CNTN3: variants seen among roughly 807,000 people sequenced by gnomAD.
The protein encoded by CNTN3 is contactin-3.
CNTN3 carries 60 observed loss-of-function variants against 119.1 expected under a neutral mutation model. The ratio of observed to expected loss-of-function variants is 0.50; its 90% confidence interval spans 0.41 to 0.62. The LOEUF (loss-of-function observed/expected upper bound fraction) is 0.62. CNTN3 is among the 20% of genes least tolerant of loss of function. CNTN3 has a pLI of 0.00. For missense variants in CNTN3, 1,101 were observed against 1,242.4 expected, an observed-to-expected ratio of 0.89 and a Z score of 1.71; for synonymous variants, 450 against 438.7, an observed-to-expected ratio of 1.03 and a Z score of -0.32.
At chr3:74,588,320 CAGAG>C (rs1224749076) in intron 1 of CNTN3, among the ~76,000 whole-genome samples, 1 of 152,024 alleles carries the variant, frequency 6.6e-6, no homozygotes, top group Non-Finnish European at 1.5e-5. Flanking sequence ...AACAGACAAA[CAGAG>C]AGCCAAATCA....
At chr3:74,324,040 A>AT (rs1703067772) in intron 13 of CNTN3, among the ~76,000 whole-genome samples, 1 of 152,152 alleles carries the variant, frequency 6.6e-6, no homozygotes, top group African/African-American at 2.4e-5. Context: ...CTGTATTTGG[A>AT]TTTTTGTATG....
At chr3:74,366,780 G>GTGTGTGTGTGTGTATATATATATATATA (rs1447686332) in intron 8 of CNTN3, among the ~76,000 whole-genome samples, 1 of 63,714 alleles carries the variant, frequency 1.6e-5, no homozygotes, top group Non-Finnish European at 2.7e-5. Context: ...GTGTGTGTGT[G>GTGTGTGTGTGTGTATATATATATATATA]TATATATATA....
chr3:74,502,360 T>C (rs1703180976), intron 2 of CNTN3, among the ~76,000 whole-genome samples: 3 of 152,248 alleles, frequency 2.0e-5, no homozygotes, highest in Non-Finnish European at 4.4e-5. Context: ...CCTATCATTA[T>C]CTAATAAAAG....
At chr3:74,326,149 CTCTT>C (rs1377518271) in intron 13 of CNTN3, among the ~76,000 whole-genome samples, 6 of 152,176 alleles carry the variant, frequency 3.9e-5, no homozygotes, top group East Asian at 3.9e-4. Flanking sequence ...CATTATATCT[CTCTT>C]TCTATCTCTG....
At chr3:74,579,038 GA>G (rs1328668610) in intron 1 of CNTN3, among the ~76,000 whole-genome samples, 1 of 151,778 alleles carries the variant, frequency 6.6e-6, no homozygotes, top group East Asian at 1.9e-4. Flanking sequence ...ATGGGTGACA[GA>G]TGTCTTGAAA....
At chr3:74,396,418 G>T (rs1705055203) in intron 5 of CNTN3, among the ~76,000 whole-genome samples, 1 of 152,126 alleles carries the variant, frequency 6.6e-6, no homozygotes, top group African/African-American at 2.4e-5. Flanking sequence ...TCAAACCAGT[G>T]ACAACATTCC....
intron 1 of CNTN3, among the ~76,000 whole-genome samples, chr3:74,606,619 A>G (rs1704997206): frequency 6.6e-6 from 1 of 152,118 alleles, no homozygotes. Flanking sequence ...GAAAAATGAC[A>G]AAAAATGATA....
chr3:74,392,704 C>G (rs1704945139), intron 5 of CNTN3, among the ~76,000 whole-genome samples: 1 of 151,990 alleles, frequency 6.6e-6, no homozygotes, highest in South Asian at 2.1e-4. Context: ...AGAAAGATAC[C>G]AAGTGATGAT....
intron 20 of CNTN3, among the ~76,000 whole-genome samples, chr3:74,280,371 T>C (rs1018372671): frequency 3.3e-5 from 5 of 152,174 alleles, no homozygotes; most frequent in African/African-American, 1.2e-4. Flanking sequence ...CATAAAAATA[T>C]AGAATCCCCT....
intron 13 of CNTN3, among the ~76,000 whole-genome samples, chr3:74,327,466 A>G (rs1703161164): frequency 6.6e-6 from 1 of 152,152 alleles, no homozygotes; most frequent in African/African-American, 2.4e-5. Flanking sequence ...CTGGTTTGCT[A>G]AAATTTCCCT....
chr3:74,298,769 C>T (rs558779846), intron 17 of CNTN3, among the ~76,000 whole-genome samples: 3 of 151,220 alleles, frequency 2.0e-5, no homozygotes, highest in East Asian at 3.9e-4. Context: ...TGGTGGCATG[C>T]GCCTGTAGTC....
At chr3:74,386,489 C>A (rs899371930) in intron 5 of CNTN3, among the ~76,000 whole-genome samples, 4 of 152,132 alleles carry the variant, frequency 2.6e-5, no homozygotes, top group Admixed American at 6.5e-5. Context: ...CTGCAGTGAA[C>A]CATAATTGCA....
intron 19 of CNTN3, among the ~76,000 whole-genome samples, chr3:74,286,305 T>G (rs1271092761): frequency 6.6e-6 from 1 of 152,150 alleles, no homozygotes; most frequent in Admixed American, 6.6e-5. Flanking sequence ...TGAGCTGGAA[T>G]ACGCTGATCT....
intron 11 of CNTN3, among the ~76,000 whole-genome samples, chr3:74,343,238 G>A (rs1478439811): frequency 6.6e-6 from 1 of 152,186 alleles, no homozygotes; most frequent in East Asian, 1.9e-4. Context: ...GACCACCTCA[G>A]GCCCTCCCCA....
At chr3:74,487,814 C>G (rs999538041) in intron 3 of CNTN3, among the ~76,000 whole-genome samples, 1 of 151,790 alleles carries the variant, frequency 6.6e-6, no homozygotes, top group Non-Finnish European at 1.5e-5. Context: ...TGAAAATGGG[C>G]CACTTTTATA....
chr3:74,466,170 T>A (rs184252170), intron 4 of CNTN3, among the ~76,000 whole-genome samples: 23 of 151,670 alleles, frequency 1.5e-4, no homozygotes, highest in Admixed American at 9.2e-4. Context: ...AATACGTGAG[T>A]TTAGTGGGAG....
chr3:74,484,225 C>A (rs1702811471), intron 4 of CNTN3, among the ~76,000 whole-genome samples: 2 of 152,058 alleles, frequency 1.3e-5, no homozygotes, highest in African/African-American at 4.8e-5. Context: ...TGAGTTTAGA[C>A]AAGATTTGTT....
intron 4 of CNTN3, among the ~76,000 whole-genome samples, chr3:74,438,750 A>T (rs911658422): frequency 3.3e-4 from 50 of 152,208 alleles, no homozygotes; most frequent in Non-Finnish European, 1.0e-4. Flanking sequence ...TATATTAGTC[A>T]TTGAGGCTGT....
chr3:74,467,001 G>A (rs990001367), intron 4 of CNTN3, among the ~76,000 whole-genome samples: 9 of 151,990 alleles, frequency 5.9e-5, no homozygotes, highest in Admixed American at 2.6e-4. Flanking sequence ...AATAACCAAA[G>A]TGATGATATA....
Sources: gnomAD v4.1 joint callset for allele counts (sites outside exome capture counted in the v4.1 genomes callset) on GRCh38, gnomAD v4.1.1 for gene constraint, MANE v1.5 for transcripts, NCBI Gene and HGNC (gene_info 2026-07-23, HGNC 2026-07-21) for gene names.